Variants in HACE1 observed in about 807,000 individuals in gnomAD.
The protein encoded by HACE1 is HECT domain and ankyrin repeat containing E3 ubiquitin protein ligase 1.
Under a neutral mutation model 118.4 loss-of-function variants are expected in HACE1, and 73 were observed. The observed-to-expected ratio is 0.62, with a 90% confidence interval of 0.51 to 0.75. HACE1 has a LOEUF of 0.75. Ranked by LOEUF, HACE1 falls within the 30% of genes least tolerant of loss-of-function variation. HACE1 has a pLI of 0.00. For synonymous variants in HACE1, 368 were observed against 374.8 expected (o/e 0.98, Z 0.21); for missense variants, 749 against 1,102.2 (o/e 0.68, Z 4.54).
chr6:104,808,306 G>A (rs1489710525), intron 7 of HACE1, among the ~76,000 whole-genome samples: 2 of 152,178 alleles, frequency 1.3e-5, no homozygotes, highest in Non-Finnish European at 1.5e-5. Flanking sequence ...AAAGAAGTAT[G>A]TCAGAACTTA....
intron 19 of HACE1, among the ~76,000 whole-genome samples, chr6:104,753,766 A>T (rs1425484178): frequency 6.6e-6 from 1 of 152,210 alleles, no homozygotes; most frequent in African/African-American, 2.4e-5. Context: ...AACCTCAAAG[A>T]ACAAAGGTAG....
At chr6:104,735,339 T>C (rs759441946) in intron 22 of HACE1, among the ~76,000 whole-genome samples, 3 of 151,992 alleles carry the variant, frequency 2.0e-5, no homozygotes, top group Admixed American at 6.6e-5. Flanking sequence ...TATATGAAAG[T>C]AAAAATGGGC....
intron 22 of HACE1, among the ~76,000 whole-genome samples, chr6:104,732,710 C>CAT (rs1775348755): frequency 6.6e-6 from 1 of 152,094 alleles, no homozygotes; most frequent in African/African-American, 2.4e-5. Context: ...TGCATTTACA[C>CAT]ACACACACAA....
intron 20 of HACE1, among the ~76,000 whole-genome samples, chr6:104,748,212 A>G (rs547562690): frequency 6.6e-6 from 1 of 151,750 alleles, no homozygotes; most frequent in Admixed American, 6.6e-5. Context: ...GACTCTTATA[A>G]AAGAATTCAT....
chr6:104,791,063 C>T (rs1782971375), intron 11 of HACE1, among the ~76,000 whole-genome samples: 1 of 152,082 alleles, frequency 6.6e-6, no homozygotes, highest in Non-Finnish European at 1.5e-5. Context: ...TCAGCAAACC[C>T]AGTAAATGAA....
Position 104,750,877 on chromosome 6 carries a change from T to A in HACE1, c.2212-405A>T, listed in dbSNP as rs140051988. On this transcript the variant is annotated intron_variant, in intron 19 of 23. Coordinates refer to ENST00000262903, the MANE Select transcript of HACE1 (RefSeq NM_020771.4). ...CATCTTAGCCAGAGTGATTTAAAAA[T>A]ATATATATGTGTATATACACATAGA... Among the ~76,000 whole-genome samples the A allele has an allele frequency of 1.5e-4, 23 of 152,292 alleles. No individual in the cohort carries two copies. In the East Asian group the frequency reaches 3.9e-3, roughly 26 times the overall value.
chr6:104,773,323 A>G (rs1018066616), intron 17 of HACE1, among the ~76,000 whole-genome samples: 19 of 152,232 alleles, frequency 1.2e-4, no homozygotes, highest in African/African-American at 4.1e-4. Flanking sequence ...CATTTTGACA[A>G]TAATTCACTC....
intron 6 of HACE1, among the ~76,000 whole-genome samples, chr6:104,827,878 T>C (rs547631338): frequency 3.7e-4 from 56 of 152,250 alleles, no homozygotes; most frequent in African/African-American, 1.3e-3. Flanking sequence ...TCAACTATCA[T>C]TTTATGTTGT....
At chr6:104,742,826 G>T (rs1262922757) in intron 22 of HACE1, among the ~76,000 whole-genome samples, 1 of 152,012 alleles carries the variant, frequency 6.6e-6, no homozygotes, top group Non-Finnish European at 1.5e-5. Flanking sequence ...ATACCCAAAG[G>T]ACTATAAATT....
intron 19 of HACE1, among the ~76,000 whole-genome samples, chr6:104,756,442 T>TACAC (rs1562298945): frequency 2.1e-5 from 3 of 146,204 alleles, no homozygotes; most frequent in African/African-American, 7.6e-5. Flanking sequence ...TATATATATA[T>TACAC]ATATACACAC....
intron 5 of HACE1, among the ~76,000 whole-genome samples, chr6:104,842,715 T>C (rs574265895): frequency 1.0e-3 from 156 of 152,214 alleles, no homozygotes; most frequent in Non-Finnish European, 1.6e-3. Context: ...ACAAAAGTCA[T>C]AAACTTAAAA....
At chr6:104,823,981 T>G (rs1254480863) in intron 6 of HACE1, among the ~76,000 whole-genome samples, 1 of 152,158 alleles carries the variant, frequency 6.6e-6, no homozygotes, top group African/African-American at 2.4e-5. Flanking sequence ...AAACCTTAAA[T>G]GTACTCACCT....
At chr6:104,832,917 G>T in intron 6 of HACE1, 125 bp downstream of exon 6, 1 of 896,638 alleles carries the variant, frequency 1.1e-6, no homozygotes, top group Non-Finnish European at 1.8e-6. Flanking sequence ...AAGTCCATAT[G>T]ATGCAGAAAA....
At chr6:104,812,472 T>C (rs900855107) in intron 6 of HACE1, among the ~76,000 whole-genome samples, 7 of 152,106 alleles carry the variant, frequency 4.6e-5, no homozygotes, top group African/African-American at 1.7e-4. Flanking sequence ...AGTTTGAAAT[T>C]AGACGCTTAT....
chr6:104,745,218 G>A (rs1201797879), intron 20 of HACE1, among the ~76,000 whole-genome samples: 1 of 152,082 alleles, frequency 6.6e-6, no homozygotes, highest in African/African-American at 2.4e-5. Context: ...TGACTTGATA[G>A]GTTTATTTTA....
chr6:104,830,721 T>G (rs568676082), intron 6 of HACE1, among the ~76,000 whole-genome samples: 4 of 152,054 alleles, frequency 2.6e-5, no homozygotes, highest in Non-Finnish European at 5.9e-5. Context: ...TTGGTTTTGT[T>G]GTTGTTATTA....
chr6:104,783,527 ATAT>A (rs1781977995), intron 14 of HACE1, among the ~76,000 whole-genome samples: 1 of 152,186 alleles, frequency 6.6e-6, no homozygotes, highest in Non-Finnish European at 1.5e-5. Context: ...GGGCTCAAGG[ATAT>A]TAGGAAACGT....
At chr6:104,850,313 C>CACAAA (rs1776076304) in intron 3 of HACE1, among the ~76,000 whole-genome samples, 1 of 152,140 alleles carries the variant, frequency 6.6e-6, no homozygotes, top group Non-Finnish European at 1.5e-5. Flanking sequence ...TAAACATTCT[C>CACAAA]TACTTTCAAG....
chr6:104,772,175 G>A, intron 17 of HACE1, 101 bp from the exon 18 acceptor site: 1 of 697,510 alleles, frequency 1.4e-6, no homozygotes, highest in East Asian at 2.8e-5. Context: ...CTTCAGCAAA[G>A]CTAAGGTTAC....
Sources: allele counts gnomAD v4.1 joint callset (sites outside exome capture counted in the v4.1 genomes callset), GRCh38; gene constraint gnomAD v4.1.1; transcripts MANE v1.5; gene names NCBI Gene and HGNC (gene_info 2026-07-23, HGNC 2026-07-21).